FOXP1: variants seen among roughly 807,000 people sequenced by gnomAD.
FOXP1 encodes the protein forkhead box P1.
FOXP1 carries 15 observed loss-of-function variants against 98.2 expected under a neutral mutation model. The ratio of observed to expected loss-of-function variants is 0.15; its 90% CI spans 0.10 to 0.24. FOXP1 has a LOEUF of 0.24. Ranked by LOEUF, FOXP1 falls within the 10% of genes least tolerant of loss-of-function variation. The pLI is 1.00. For missense variants in FOXP1, 633 were observed against 848.5 expected, an observed-to-expected ratio of 0.75 and a Z score of 3.15; for synonymous variants, 371 against 314.5, an observed-to-expected ratio of 1.18 and a Z score of -1.90.
At chr3:71,499,177 T>C (rs7638354) in intron 2 of FOXP1, among the ~76,000 whole-genome samples, 1 of 152,010 alleles carries the variant, frequency 6.6e-6, no homozygotes, top group East Asian at 1.9e-4. Flanking sequence ...TTTCTCTAGT[T>C]CTGAGTCCCT....
chr3:71,110,143 A>G (rs1429019216), intron 7 of FOXP1, among the ~76,000 whole-genome samples: 1 of 152,208 alleles, frequency 6.6e-6, no homozygotes, highest in African/African-American at 2.4e-5. Flanking sequence ...GTAACAGGCA[A>G]GAAGAAAAAG....
chr3:71,032,133 C>T (rs962682986), intron 11 of FOXP1, among the ~76,000 whole-genome samples: 4 of 152,248 alleles, frequency 2.6e-5, no homozygotes, highest in African/African-American at 4.8e-5. Flanking sequence ...CCGCAGTACC[C>T]GCCCGGCGCA....
At position 71,323,476 on chromosome 3, in the gene FOXP1, A is replaced by G. The variant is rs564364574; in HGVS notation, c.-72-23596T>C. Among the ~76,000 whole-genome samples, 3 of 152,304 alleles carry G rather than the reference A, an allele frequency of 2.0e-5. No individual in the cohort carries two copies. In the East Asian group the frequency reaches 5.8e-4, roughly 29 times the overall value. On this transcript the variant is annotated intron_variant, in intron 4 of 20. Transcript: ENST00000649528. ...ACCTACAAAACCAAGAATATGAGCAATAAGAGAAGAAAAAAAGAATATAAT... is the reference window on the plus strand; with the variant it reads ...ACCTACAAAACCAAGAATATGAGCAGTAAGAGAAGAAAAAAAGAATATAAT...
chr3:70,967,700 G>GTTTTTGTTTT (rs2035203703), intron 19 of FOXP1, among the ~76,000 whole-genome samples: 2 of 63,628 alleles, frequency 3.1e-5, no homozygotes, highest in Admixed American at 2.0e-4. Context: ...TTTTTTTTTT[G>GTTTTTGTTTT]TTTTTTTTTG....
chr3:71,351,544 A>T (rs2077779403), intron 4 of FOXP1, among the ~76,000 whole-genome samples: 1 of 152,174 alleles, frequency 6.6e-6, no homozygotes, highest in Admixed American at 6.5e-5. Context: ...CAGCTTATAA[A>T]CCTATAATTC....
At chr3:71,169,353 T>G (rs2061536794) in intron 6 of FOXP1, among the ~76,000 whole-genome samples, 1 of 152,168 alleles carries the variant, frequency 6.6e-6, no homozygotes, top group Non-Finnish European at 1.5e-5. Flanking sequence ...ACAGATGTCA[T>G]CCAAGCCTAA....
intron 3 of FOXP1, among the ~76,000 whole-genome samples, chr3:71,458,304 T>G (rs2087696013): frequency 6.6e-6 from 1 of 152,150 alleles, no homozygotes; most frequent in South Asian, 2.1e-4. Flanking sequence ...AGTTTAACCA[T>G]GAAAGCAGCA....
chr3:71,406,840 G>A (rs1241197580), intron 3 of FOXP1, among the ~76,000 whole-genome samples: 1 of 152,078 alleles, frequency 6.6e-6, no homozygotes, highest in Non-Finnish European at 1.5e-5. Flanking sequence ...GTGGGTCTCA[G>A]TATACAAGCC....
chr3:71,096,246 A>G (rs1039265026), intron 7 of FOXP1, among the ~76,000 whole-genome samples: 5 of 152,244 alleles, frequency 3.3e-5, no homozygotes, highest in African/African-American at 1.2e-4. Flanking sequence ...TTGGAAATGT[A>G]CTTAGCTGTC....
intron 3 of FOXP1, among the ~76,000 whole-genome samples, chr3:71,448,648 G>A (rs2086669034): frequency 6.6e-6 from 1 of 152,110 alleles, no homozygotes; most frequent in African/African-American, 2.4e-5. Context: ...GAATAAAATG[G>A]GACGCATTCA....
chr3:71,069,443 T>C (rs1318307052), intron 7 of FOXP1, among the ~76,000 whole-genome samples: 1 of 152,182 alleles, frequency 6.6e-6, no homozygotes, highest in Admixed American at 6.5e-5. Flanking sequence ...CAGTAATAAA[T>C]TACCCTCTCT....
At chr3:71,159,559 C>G (rs1439943582) in intron 6 of FOXP1, among the ~76,000 whole-genome samples, 1 of 152,180 alleles carries the variant, frequency 6.6e-6, no homozygotes, top group Middle Eastern at 3.2e-3. Flanking sequence ...GCGAATTTCT[C>G]TTCCTGGAGA....
rs754129791 is a variant in FOXP1, at chr3:71,044,598, G to A, written c.664+2344C>T. On this transcript the variant is annotated intron_variant, in intron 10 of 20. Transcript: ENST00000649528. Reference sequence around the variant, plus strand: ...ACATTTACATGTTTAAGGTTAACTCGGCAAGGCCATGAACAGGTATGTAAA... The same window carrying A: ...ACATTTACATGTTTAAGGTTAACTCAGCAAGGCCATGAACAGGTATGTAAA... Among the ~76,000 whole-genome samples, 21 of 152,240 alleles carry A rather than the reference G, an allele frequency of 1.4e-4. 1 individual carries two copies. In the South Asian group the frequency reaches 2.5e-3, roughly 18 times the overall value.
At chr3:71,367,446 CCT>C (rs933244346) in intron 3 of FOXP1, among the ~76,000 whole-genome samples, 17 of 152,140 alleles carry the variant, frequency 1.1e-4, no homozygotes, top group South Asian at 8.3e-4. Flanking sequence ...TGACCTGACC[CCT>C]GTTGACCTCT....
intron 7 of FOXP1, among the ~76,000 whole-genome samples, chr3:71,092,119 T>C (rs1429407281): frequency 2.7e-5 from 4 of 150,802 alleles, no homozygotes; most frequent in African/African-American, 7.3e-5. Context: ...ACCCAGGAGG[T>C]GGAGGTTGTA....
intron 2 of FOXP1, among the ~76,000 whole-genome samples, chr3:71,530,093 C>A (rs544126326): frequency 6.6e-6 from 1 of 152,106 alleles, no homozygotes; most frequent in Non-Finnish European, 1.5e-5. Flanking sequence ...TGACAGGACA[C>A]CCAGCTGGTG....
intron 20 of FOXP1, among the ~76,000 whole-genome samples, chr3:70,960,615 T>C (rs995059726): frequency 6.6e-6 from 1 of 152,184 alleles, no homozygotes; most frequent in African/African-American, 2.4e-5. Context: ...GATTTTTAAA[T>C]TGACGTTATC....
chr3:71,254,026 A>G (rs1233990318), intron 5 of FOXP1, among the ~76,000 whole-genome samples: 2 of 152,232 alleles, frequency 1.3e-5, no homozygotes, highest in Non-Finnish European at 1.5e-5. Context: ...GATAAAAAAC[A>G]GAAGTTTCTA....
At chr3:71,384,110 G>A (rs2080386946) in intron 3 of FOXP1, among the ~76,000 whole-genome samples, 1 of 152,066 alleles carries the variant, frequency 6.6e-6, no homozygotes. Context: ...TCCCAGTTAT[G>A]TGGGAGGCTG....
Sources: gnomAD v4.1 joint callset for allele counts (sites outside exome capture counted in the v4.1 genomes callset) on GRCh38, gnomAD v4.1.1 for gene constraint, MANE v1.5 for transcripts, NCBI Gene and HGNC (gene_info 2026-07-23, HGNC 2026-07-21) for gene names.